The following SPAG1 variants were observed in gnomAD, a reference collection of about 807,000 sequenced individuals.
SPAG1 encodes the protein sperm-associated antigen 1.
A neutral mutation model predicts 100.5 loss-of-function variants in SPAG1; 69 were observed. That is an observed-to-expected ratio of 0.69 (90% confidence interval 0.57 to 0.84). The LOEUF (loss-of-function observed/expected upper bound fraction) is 0.84, where lower values mean the gene tolerates loss of function less well. Among genes scored for constraint, SPAG1 ranks in the 40% least tolerant of loss-of-function variants. The pLI is 0.00. For synonymous variants in SPAG1, 336 were observed against 411.6 expected, an observed-to-expected ratio of 0.82 and a Z score of 2.22; for missense variants, 955 against 1,133.1, an observed-to-expected ratio of 0.84 and a Z score of 2.26.
In SPAG1 at chr8:100,184,678, G is replaced by A. The variant is rs748222730; in HGVS notation, c.646G>A (p.Gly216Arg). 6.3e-7 allele frequency: 1 copy of A among 1,585,818 alleles called. No individual in the cohort carries two copies. Among genetic ancestry groups the A allele is most frequent in the African/African-American group, 1.4e-5 (1 of 72,858 alleles). Residue 216 changes from glycine (G) to arginine (R), a missense_variant, in exon 7 of 19, where the codon GGA becomes AGA. Gly to Arg is a moderately radical substitution (Grantham distance 125, BLOSUM62 -2). Transcript: ENST00000388798. ...DFLATREKEK[G>R]NEAFNSGDYE... is the part of the protein sequence containing the mutation. ...TCTTGCCACTCGTGAAAAGGAGAAA[G>A]GAAATGAAGCTTTCAACTCAGGAGA...
At chr8:100,205,925 A>G (rs1817486916) in intron 10 of SPAG1, among the ~76,000 whole-genome samples, 1 of 148,454 alleles carries the variant, frequency 6.7e-6, no homozygotes, top group Non-Finnish European at 1.5e-5. Context: ...AGGCTGAGGC[A>G]GGAGAACTGC....
At chr8:100,177,156 G>A (rs1426216303) in intron 3 of SPAG1, among the ~76,000 whole-genome samples, 1 of 151,988 alleles carries the variant, frequency 6.6e-6, no homozygotes, top group Non-Finnish European at 1.5e-5. Flanking sequence ...GGGTCCCATG[G>A]TGTTATTTAA....
At chr8:100,161,194 A>G (rs1162342522) in intron 1 of SPAG1, among the ~76,000 whole-genome samples, 3 of 152,140 alleles carry the variant, frequency 2.0e-5, no homozygotes, top group African/African-American at 7.2e-5. Flanking sequence ...TCTAAGAGAA[A>G]TTAGCTGGGA....
chr8:100,189,057 C>T (rs1364938443), intron 8 of SPAG1, among the ~76,000 whole-genome samples: 1 of 151,986 alleles, frequency 6.6e-6, no homozygotes, highest in East Asian at 1.9e-4. Context: ...CTCGGCCAGG[C>T]TTAGTGGTTC....
chr8:100,220,331 G>T lies in SPAG1; in HGVS notation c.1588G>T (p.Ala530Ser). Residue 530 changes from alanine (A) to serine (S), a missense_variant, in exon 13 of 19, where the codon GCC becomes TCC. Ala to Ser is a moderately conservative substitution (Grantham distance 99). Transcript: ENST00000388798. ...SMKPLLRRAMAYETLEQYGKA... is the reference protein window; with the variant it reads ...SMKPLLRRAMSYETLEQYGKA... ...GAAACCTCTTCTGAGGCGGGCGATG[G>T]CCTATGAAACTCTAGAGCAGTATGG... is the stretch of plus-strand genomic sequence containing the variant. The T allele has an allele frequency of 6.2e-7, 1 of 1,614,064 alleles. No homozygotes were observed. The highest frequency in any genetic ancestry group is 8.5e-7 in the Non-Finnish European group (1 of 1,179,952).
chr8:100,194,633 C>A (rs1816953237), intron 10 of SPAG1: 1 of 414,882 alleles, frequency 2.4e-6, no homozygotes, highest in Non-Finnish European at 4.2e-6. Context: ...GGTTTCAAAA[C>A]AGGTATGGGT....
chr8:100,192,623 T>G (rs1290994570), intron 9 of SPAG1, among the ~76,000 whole-genome samples: 1 of 152,248 alleles, frequency 6.6e-6, no homozygotes, highest in African/African-American at 2.4e-5. Context: ...CCTATCCCAC[T>G]GTCTCTGAGT....
At chr8:100,215,917 A>G (rs763985294) in intron 12 of SPAG1, among the ~76,000 whole-genome samples, 2 of 152,234 alleles carry the variant, frequency 1.3e-5, no homozygotes, top group Non-Finnish European at 2.9e-5. Context: ...AGTTTTACAT[A>G]TTTAAATTTG....
intron 4 of SPAG1, among the ~76,000 whole-genome samples, chr8:100,183,074 AG>A (rs1816433592): frequency 6.6e-6 from 1 of 152,092 alleles, no homozygotes; most frequent in Non-Finnish European, 1.5e-5. Context: ...CCCAGGTTCA[AG>A]CAATTCTCAT....
chr8:100,220,876 C>T (rs1342069032), intron 13 of SPAG1, among the ~76,000 whole-genome samples: 1 of 152,072 alleles, frequency 6.6e-6, no homozygotes, highest in Admixed American at 6.5e-5. Flanking sequence ...AGTTCGAGAC[C>T]AGCCTGGCCA....
chr8:100,162,582 C>G (rs1029985630), intron 2 of SPAG1, among the ~76,000 whole-genome samples, 162 bp downstream of exon 2: 3 of 152,218 alleles, frequency 2.0e-5, no homozygotes, highest in African/African-American at 7.2e-5. Context: ...GAGAGTTCCA[C>G]CTAGGTCTAC....
Position 100,240,716 on chromosome 8 carries a change from A to G in SPAG1, c.2594A>G (p.Asp865Gly). Residue 865 changes from aspartate to glycine, a missense_variant, in exon 18 of 19, where the codon GAT becomes GGT. Physicochemically the swap from Asp to Gly is moderately conservative, Grantham distance 94. Transcript: ENST00000388798. ...QSLKNNLIEK[D>G]PSLVYQHLLY... is the part of the protein sequence containing the mutation. ...CTGAAAAATAATCTTATTGAAAAAG[A>G]TCCCTCATTGGTGTATCAGCATCTT... 1.2e-6 allele frequency: 2 copies of G among 1,613,694 alleles called. No individual in the cohort carries two copies. Among genetic ancestry groups the G allele is most frequent in the South Asian group, 1.1e-5 (1 of 90,950 alleles).
At chr8:100,225,385 G>T (rs762739960) in intron 14 of SPAG1, 46 bp downstream of exon 14, 2 of 1,569,212 alleles carry the variant, frequency 1.3e-6, no homozygotes, top group Non-Finnish European at 1.7e-6. Context: ...ACCTTGAGTT[G>T]TGTGTGTACT....
At chr8:100,179,672 C>A (rs1442008207) in intron 4 of SPAG1, among the ~76,000 whole-genome samples, 1 of 152,076 alleles carries the variant, frequency 6.6e-6, no homozygotes, top group Non-Finnish European at 1.5e-5. Flanking sequence ...GCAGGCACCA[C>A]GTTGTATATA....
At chr8:100,229,473 C>T (rs923749874) in intron 14 of SPAG1, among the ~76,000 whole-genome samples, 1 of 152,084 alleles carries the variant, frequency 6.6e-6, no homozygotes, top group African/African-American at 2.4e-5. Flanking sequence ...TGAGGAAGTA[C>T]ATTTCCCCAA....
chr8:100,219,395 A>G (rs953030291), intron 12 of SPAG1, among the ~76,000 whole-genome samples: 2 of 152,334 alleles, frequency 1.3e-5, no homozygotes, highest in South Asian at 4.1e-4. Flanking sequence ...GAGGCTCTTC[A>G]TAGGATCTCT....
intron 2 of SPAG1, chr8:100,165,264 A>G (rs769406227): frequency 2.5e-4 from 131 of 525,206 alleles, no homozygotes; most frequent in Non-Finnish European, 3.8e-4. Flanking sequence ...CGCAGTTCTG[A>G]ACCATGTTTT....
At chr8:100,237,977 A>C (rs1819080904) in intron 16 of SPAG1, among the ~76,000 whole-genome samples, 2 of 152,100 alleles carry the variant, frequency 1.3e-5, no homozygotes, top group Non-Finnish European at 2.9e-5. Context: ...TGCTGTTGTG[A>C]CCATCCCATT....
Position 100,186,699 on chromosome 8 carries a change from G to C in SPAG1, c.702-421G>C, listed in dbSNP as rs1424863553. ...ACCACAGACTGAGCGGCTTAAACGA[G>C]AGAAATTTCTTTTCTCACACTTCTG... On this transcript the variant is annotated intron_variant, in intron 7 of 18. Transcript: ENST00000388798. Among the ~76,000 whole-genome samples the C allele has an allele frequency of 3.3e-5, 5 of 152,308 alleles. No homozygotes were observed. In the East Asian group the frequency reaches 9.6e-4, roughly 29 times the overall value.
Sources: allele counts gnomAD v4.1 joint callset (sites outside exome capture counted in the v4.1 genomes callset), GRCh38; gene constraint gnomAD v4.1.1; transcripts MANE v1.5; gene names NCBI Gene and HGNC (gene_info 2026-07-23, HGNC 2026-07-21).